Variants in PIAS4 observed in about 807,000 individuals in gnomAD.
PIAS4 encodes protein inhibitor of activated STAT 4.
A neutral mutation model predicts 58.0 loss-of-function variants in PIAS4; 7 were observed. The observed-to-expected ratio is 0.12, with a 90% confidence interval of 0.07 to 0.23. The LOEUF (loss-of-function observed/expected upper bound fraction) is 0.23. PIAS4 is among the 10% of genes least tolerant of loss of function. The probability of loss-of-function intolerance (pLI) is 1.00; values close to 1 mark genes in which losing one functional copy is unlikely to be tolerated. For synonymous variants in PIAS4, 364 were observed against 312.4 expected (o/e 1.17, Z -1.74); for missense variants, 550 against 709.5 (o/e 0.78, Z 2.55).
At position 4,024,158 on chromosome 19, in the gene PIAS4, C is replaced by T. The variant is rs113362022; in HGVS notation, c.539+38C>T. ...TCCCCCAGCCCAGCACCCCACCGCCCGCCCACCCACTTTCTCCTGGGCTCA... is the reference window on the plus strand; with the variant it reads ...TCCCCCAGCCCAGCACCCCACCGCCTGCCCACCCACTTTCTCCTGGGCTCA... On this transcript the variant is annotated intron_variant, in intron 3 of 10. Transcript: ENST00000262971. 2.1e-4 allele frequency: 303 copies of T among 1,472,344 alleles called. 1 individual carries two copies. Among genetic ancestry groups the T allele is most frequent in the South Asian group, 1.6e-3 (137 of 88,348 alleles). 91.2% of individuals were successfully genotyped at this position (1,472,344 alleles called of 1,614,324 possible).
rs2040336329 is a variant in PIAS4 at position 4,039,264 on chromosome 19, GC to G, written c.*1392del. 6.6e-6 allele frequency: 1 copy of G among 152,284 alleles called. No homozygotes were observed. 9.4% of individuals were successfully genotyped at this position (152,284 alleles called of 1,614,324 possible). On this transcript the variant is annotated 3_prime_UTR_variant, in exon 11 of 11. Coordinates refer to ENST00000262971, the MANE Select transcript of PIAS4 (RefSeq NM_015897.4). Reference sequence around the variant, plus strand: ...GTTCAGTCTCACTGCAGAGCCCGCAGCCCGCTGCGCAGCTCGGCCCCTCCCG... The same window carrying G: ...GTTCAGTCTCACTGCAGAGCCCGCAGCCGCTGCGCAGCTCGGCCCCTCCCG...
chr19:4,019,522 G>A (rs1456950901), intron 2 of PIAS4, among the ~76,000 whole-genome samples: 1 of 152,196 alleles, frequency 6.6e-6, no homozygotes, highest in Non-Finnish European at 1.5e-5. Flanking sequence ...GACACTGAGG[G>A]GTGGGGTGTC....
At chr19:4,022,025 G>A (rs1216064858) in intron 2 of PIAS4, among the ~76,000 whole-genome samples, 1 of 152,062 alleles carries the variant, frequency 6.6e-6, no homozygotes, top group African/African-American at 2.4e-5. Flanking sequence ...TGGGATTACA[G>A]GCATGAGCCA....
intron 2 of PIAS4, among the ~76,000 whole-genome samples, chr19:4,016,301 C>A (rs531758105): frequency 6.6e-6 from 1 of 152,232 alleles, no homozygotes; most frequent in African/African-American, 2.4e-5. Context: ...GGTCTTGGCC[C>A]GCAGCGGGCA....
rs966237798 is a variant in PIAS4, at chr19:4,036,622, G to A, written c.1143-752G>A. On this transcript the variant is annotated intron_variant, in intron 9 of 10. Coordinates refer to ENST00000262971, the MANE Select transcript of PIAS4 (RefSeq NM_015897.4). ...CACACACATCTATACAGTCCACACC[G>A]TCTCACATCTATACAGTCCACACTG... Among the ~76,000 whole-genome samples the A allele has an allele frequency of 7.1e-5, 8 of 112,688 alleles. 1 individual carries two copies. Among genetic ancestry groups the A allele is most frequent in the African/African-American group, 2.0e-4 (5 of 25,020 alleles). The allele number at this position is 112,688 out of a possible 152,430, so 73.9% of individuals were successfully genotyped here.
intron 2 of PIAS4, among the ~76,000 whole-genome samples, chr19:4,022,093 C>T (rs1279846330): frequency 1.3e-5 from 2 of 152,132 alleles, no homozygotes; most frequent in Admixed American, 6.6e-5. Flanking sequence ...GATCCAACTT[C>T]CTTAACAGGT....
intron 1 of PIAS4, among the ~76,000 whole-genome samples, chr19:4,008,058 T>TA (rs531752201): frequency 1.2e-3 from 187 of 151,632 alleles, no homozygotes; most frequent in Non-Finnish European, 2.1e-3. Context: ...CCCGAGCCCT[T>TA]AGGGTCCCGG....
At chr19:4,008,308 C>G (rs982230154) in intron 1 of PIAS4, among the ~76,000 whole-genome samples, 4 of 152,172 alleles carry the variant, frequency 2.6e-5, no homozygotes, top group Non-Finnish European at 5.9e-5. Context: ...TCGGAAGGGT[C>G]CCCCGAGTCC....
intron 8 of PIAS4, 39 bp from the exon 9 acceptor site, chr19:4,033,381 C>A (rs1599232043): frequency 6.5e-7 from 1 of 1,532,624 alleles, no homozygotes; most frequent in Non-Finnish European, 8.8e-7. Context: ...GCGGGCACAA[C>A]AGGAGGGGTG....
At chr19:4,012,468 C>G (rs1206041990) in intron 1 of PIAS4, among the ~76,000 whole-genome samples, 1 of 152,116 alleles carries the variant, frequency 6.6e-6, no homozygotes, top group African/African-American at 2.4e-5. Flanking sequence ...GAAAACATAT[C>G]TGTGGCTGAC....
At chr19:4,008,586 C>CT (rs1568210531) in intron 1 of PIAS4, among the ~76,000 whole-genome samples, 1 of 152,098 alleles carries the variant, frequency 6.6e-6, no homozygotes, top group African/African-American at 2.4e-5. Flanking sequence ...CTTTATTCTC[C>CT]TTTTTTTAAT....
chr19:4,031,497 C>T (rs1426748417), intron 7 of PIAS4, among the ~76,000 whole-genome samples: 1 of 152,178 alleles, frequency 6.6e-6, no homozygotes, highest in Admixed American at 6.5e-5. Context: ...TGGGTTACCC[C>T]GCCCCACCTC....
intron 7 of PIAS4, among the ~76,000 whole-genome samples, chr19:4,032,895 G>C (rs986985086): frequency 2.6e-5 from 4 of 152,194 alleles, no homozygotes; most frequent in African/African-American, 7.2e-5. Context: ...TCTGTGCTGT[G>C]CCCAGGTTGT....
intron 9 of PIAS4, among the ~76,000 whole-genome samples, chr19:4,036,906 TCA>T (rs1233864124): frequency 6.6e-6 from 1 of 151,462 alleles, no homozygotes. Flanking sequence ...ATGCATCCAT[TCA>T]CACGTGTGTA....
intron 4 of PIAS4, 51 bp downstream of exon 4, chr19:4,028,238 C>A: frequency 6.7e-7 from 1 of 1,482,280 alleles, no homozygotes; most frequent in Non-Finnish European, 9.3e-7. Flanking sequence ...AGCCACCCGC[C>A]CCTCCCCGCC....
At position 4,037,861 on chromosome 19, in the gene PIAS4, G is replaced by C. The variant is rs1369152617; in HGVS notation, c.1519G>C (p.Val507Leu). 1 of 1,565,766 alleles carries C rather than the reference G, an allele frequency of 6.4e-7. No homozygotes were observed. The highest frequency in any genetic ancestry group is 1.3e-5 in the African/African-American group (1 of 74,178). The change falls in exon 11 of 11, where the codon GTG becomes CTG. Residue 507 changes from valine (V) to leucine (L), a missense_variant. Val to Leu is a conservative substitution (Grantham distance 32). Transcript: ENST00000262971. This position sits in a 1 kb window ranked among gnomAD's most constrained non-coding sequence, Gnocchi z 5.8. ...KRRCPFQKGLVPAC is the reference protein window; with the variant it reads ...KRRCPFQKGLLPAC ...CCGCTGCCCCTTCCAGAAGGGCCTGGTGCCGGCCTGCTGACCCCGGCCGCA... is the reference window on the plus strand; with the variant it reads ...CCGCTGCCCCTTCCAGAAGGGCCTGCTGCCGGCCTGCTGACCCCGGCCGCA...
chr19:4,027,974 C>T (rs1398704720), intron 3 of PIAS4, among the ~76,000 whole-genome samples, 172 bp from the exon 4 acceptor site: 1 of 152,106 alleles, frequency 6.6e-6, no homozygotes, highest in Admixed American at 6.5e-5. Flanking sequence ...CTCCTGACCT[C>T]ACAGCCACTC....
Position 4,037,018 on chromosome 19 carries a change from C to T in PIAS4, c.1143-356C>T, listed in dbSNP as rs1046839639. On this transcript the variant is annotated intron_variant, in intron 9 of 10. Transcript: ENST00000262971. This position sits in a 1 kb window ranked among gnomAD's most constrained non-coding sequence, Gnocchi z 5.8. ...GCACAGATACACTCACGTCCACACA[C>T]GCTCAAACATGCGTGCACACCCGGA... Among the ~76,000 whole-genome samples, 4 of 152,242 alleles carry T rather than the reference C, an allele frequency of 2.6e-5. No homozygotes were observed. Among genetic ancestry groups the T allele is most frequent in the Non-Finnish European group, 2.9e-5 (2 of 68,044 alleles).
At chr19:4,024,952 A>T (rs956953417) in intron 3 of PIAS4, among the ~76,000 whole-genome samples, 1 of 152,046 alleles carries the variant, frequency 6.6e-6, no homozygotes, top group Non-Finnish European at 1.5e-5. Context: ...TTTAGTAGAG[A>T]TAGGGTTTTG....
Sources: allele counts gnomAD v4.1 joint callset (sites outside exome capture counted in the v4.1 genomes callset), GRCh38; gene constraint gnomAD v4.1.1; non-coding constraint Gnocchi (gnomAD v3.1); transcripts MANE v1.5; gene names NCBI Gene and HGNC (gene_info 2026-07-23, HGNC 2026-07-21).